RABGAP1L: variants seen among roughly 807,000 people sequenced by gnomAD.
RABGAP1L encodes the protein rab GTPase-activating protein 1-like.
In RABGAP1L, 63 loss-of-function variants were observed where a neutral mutation model predicts 137.7. That is an observed-to-expected ratio of 0.46 (90% CI 0.37 to 0.56). The LOEUF is 0.56. RABGAP1L is among the 20% of genes least tolerant of loss of function. The probability of loss-of-function intolerance (pLI) is 0.00; values close to 1 mark genes in which losing one functional copy is unlikely to be tolerated. For synonymous variants in RABGAP1L, 431 were observed against 433.7 expected, an observed-to-expected ratio of 0.99 and a Z score of 0.08; for missense variants, 1,095 against 1,244.0, an observed-to-expected ratio of 0.88 and a Z score of 1.80.
At chr1:174,346,116 C>T (rs1383625501) in intron 11 of RABGAP1L, among the ~76,000 whole-genome samples, 1 of 151,996 alleles carries the variant, frequency 6.6e-6, no homozygotes, top group East Asian at 1.9e-4. Context: ...GATGAATGAT[C>T]TTTTTAATGT....
chr1:174,652,857 G>A lies in RABGAP1L; in HGVS notation c.1824+15369G>A, dbSNP rs770270158. Among the ~76,000 whole-genome samples, 9 of 152,190 alleles carry A rather than the reference G, an allele frequency of 5.9e-5. No homozygotes were observed. The South Asian group carries it at 1.2e-3, about 21-fold the overall frequency. ...GAGATCTGCTGCTCTCTTTACAGCC[G>A]GCAGGCAGGAGTGTTTAAGTCTGCT... On this transcript the variant is annotated intron_variant, in intron 14 of 25. Transcript: ENST00000681986.
At chr1:174,684,985 AAAT>A (rs139661300) in intron 15 of RABGAP1L, among the ~76,000 whole-genome samples, 31,931 of 151,806 alleles carry the variant, frequency 0.21, 3,668 homozygotes, top group Admixed American at 0.25. Context: ...TGTCTCAAAA[AAAT>A]AATAATAATA....
chr1:174,441,940 G>T (rs990776812), intron 13 of RABGAP1L, among the ~76,000 whole-genome samples: 1 of 151,420 alleles, frequency 6.6e-6, no homozygotes, highest in African/African-American at 2.4e-5. Flanking sequence ...CCCTTTAGAA[G>T]CATGTGCAAT....
At chr1:174,957,955 A>G in intron 20 of RABGAP1L, 2 of 1,573,248 alleles carry the variant, frequency 1.3e-6, no homozygotes, top group Non-Finnish European at 1.7e-6. Context: ...AGAAGCTGAG[A>G]GAAAGAGAGG....
intron 17 of RABGAP1L, among the ~76,000 whole-genome samples, chr1:174,734,679 A>C (rs956256404): frequency 2.6e-5 from 4 of 152,044 alleles, no homozygotes; most frequent in Admixed American, 6.6e-5. Context: ...GGATTGTAGA[A>C]CTCTTTACTT....
At chr1:174,822,485 T>A (rs1360279909) in intron 19 of RABGAP1L, among the ~76,000 whole-genome samples, 2 of 152,226 alleles carry the variant, frequency 1.3e-5, no homozygotes, top group Non-Finnish European at 2.9e-5. Flanking sequence ...TGCTTAGGCA[T>A]CAGGCACCTT....
chr1:174,775,329 T>C (rs1686438209), intron 18 of RABGAP1L, among the ~76,000 whole-genome samples: 1 of 151,636 alleles, frequency 6.6e-6, no homozygotes, highest in South Asian at 2.1e-4. Context: ...TTTTTTTTTT[T>C]TGAGACTGAG....
rs371178026 is a variant in RABGAP1L at position 174,801,395 on chromosome 1, C to T, written c.2212-10437C>T. Among the ~76,000 whole-genome samples, 11 of 152,302 alleles carry T rather than the reference C, an allele frequency of 7.2e-5. 1 individual carries two copies. In the East Asian group the frequency reaches 2.1e-3, roughly 29 times the overall value. On this transcript the variant is annotated intron_variant, in intron 18 of 25. Transcript: ENST00000681986. The stretch of plus-strand genomic sequence containing the variant: ...TGACTGAATTTAACTCTTTTCTCTC[C>T]TATATCTCCCTTCACTATAATTCAT...
At chr1:174,327,992 T>TATACAC (rs1262289105) in intron 11 of RABGAP1L, among the ~76,000 whole-genome samples, 3 of 57,614 alleles carry the variant, frequency 5.2e-5, no homozygotes, top group African/African-American at 2.4e-4. Context: ...CACACATATA[T>TATACAC]ATATATATAT....
At chr1:174,260,121 C>T (rs953277564) in intron 7 of RABGAP1L, among the ~76,000 whole-genome samples, 9 of 152,230 alleles carry the variant, frequency 5.9e-5, no homozygotes, top group African/African-American at 1.4e-4. Flanking sequence ...GTGTAAGCCA[C>T]CACGCCTGGC....
chr1:174,859,481 T>C (rs1649874015), intron 19 of RABGAP1L, among the ~76,000 whole-genome samples: 1 of 66,666 alleles, frequency 1.5e-5, no homozygotes, highest in African/African-American at 1.1e-4. Flanking sequence ...AGACTCCATC[T>C]CAAAAAAAAA....
At chr1:174,385,877 A>G (rs1686723539) in intron 12 of RABGAP1L, among the ~76,000 whole-genome samples, 1 of 152,254 alleles carries the variant, frequency 6.6e-6, no homozygotes, top group Non-Finnish European at 1.5e-5. Context: ...CAGCAGATAT[A>G]GATAGCTCTT....
chr1:174,665,427 TCGCCC>T lies in RABGAP1L; in HGVS notation c.1825-18075_1825-18071del, dbSNP rs374473386. On this transcript the variant is annotated intron_variant, in intron 14 of 25. Transcript: ENST00000681986. ...CTTTTCCTTTCTTGTCTGCCTCGCCTCGCCCCGCCCCGCCCCGCCCCGCCTCGCCT... is the reference window on the plus strand; with the variant it reads ...CTTTTCCTTTCTTGTCTGCCTCGCCTCGCCCCGCCCCGCCCCGCCTCGCCT... Among the ~76,000 whole-genome samples, 171 of 145,206 alleles carry T rather than the reference TCGCCC, an allele frequency of 1.2e-3. 2 individuals carry two copies. Among genetic ancestry groups the T allele is most frequent in the African/African-American group, 3.5e-3 (126 of 35,908 alleles).
chr1:174,763,299 A>AC (rs1314049075), intron 18 of RABGAP1L, among the ~76,000 whole-genome samples: 2 of 149,958 alleles, frequency 1.3e-5, no homozygotes, highest in South Asian at 2.1e-4. Flanking sequence ...TGGGTGGATC[A>AC]GAGGTCAGGA....
chr1:174,830,036 T>G (rs1691945698), intron 19 of RABGAP1L, among the ~76,000 whole-genome samples: 1 of 148,168 alleles, frequency 6.7e-6, no homozygotes, highest in African/African-American at 2.5e-5. Context: ...TTCACTCATG[T>G]GGTAGCATTC....
At chr1:174,375,883 A>C (rs1685486588) in intron 12 of RABGAP1L, among the ~76,000 whole-genome samples, 1 of 151,920 alleles carries the variant, frequency 6.6e-6, no homozygotes. Context: ...TAGCCAACAT[A>C]ATGAAACCCT....
At chr1:174,173,256 G>A (rs1320621329) in intron 1 of RABGAP1L, among the ~76,000 whole-genome samples, 3 of 151,346 alleles carry the variant, frequency 2.0e-5, no homozygotes, top group African/African-American at 4.9e-5. Context: ...TCAGCCTCCC[G>A]AGTAGCTGGG....
chr1:174,714,437 G>A (rs2148567955), intron 17 of RABGAP1L, among the ~76,000 whole-genome samples: 1 of 152,258 alleles, frequency 6.6e-6, no homozygotes, highest in South Asian at 2.1e-4. Flanking sequence ...TGAATACCTA[G>A]TATCTAACTT....
intron 15 of RABGAP1L, among the ~76,000 whole-genome samples, chr1:174,698,841 A>G (rs1679444430): frequency 6.6e-6 from 1 of 152,058 alleles, no homozygotes; most frequent in Admixed American, 6.6e-5. Flanking sequence ...TGCATAGATA[A>G]TCAGTGGCAG....
Sources: gnomAD v4.1 joint callset for allele counts (sites outside exome capture counted in the v4.1 genomes callset) on GRCh38, gnomAD v4.1.1 for gene constraint, MANE v1.5 for transcripts, NCBI Gene and HGNC (gene_info 2026-07-23, HGNC 2026-07-21) for gene names.